Variants in TBC1D14 observed in about 807,000 individuals in gnomAD.
TBC1D14 encodes the protein TBC1 domain family member 14.
Under a neutral mutation model 79.0 loss-of-function variants are expected in TBC1D14, and 26 were observed. That is an observed-to-expected ratio of 0.33 (90% CI 0.24 to 0.46). The LOEUF is 0.46. Ranked by LOEUF, TBC1D14 falls within the 20% of genes least tolerant of loss-of-function variation. The pLI, the probability that TBC1D14 is intolerant of heterozygous loss-of-function variation, is 1.00. For synonymous variants in TBC1D14, 394 were observed against 349.9 expected, an observed-to-expected ratio of 1.13 and a Z score of -1.40; for missense variants, 769 against 887.6, an observed-to-expected ratio of 0.87 and a Z score of 1.70.
At position 6,935,733 on chromosome 4, in the gene TBC1D14, T is replaced by C. The variant is rs550478546; in HGVS notation, c.722+11622T>C. 4.0e-5 allele frequency among the ~76,000 whole-genome samples: 6 copies of C among 150,668 alleles called. No homozygotes were observed. The South Asian group carries it at 1.1e-3, about 26-fold the overall frequency. ...ATCTCGGCTCAATGCAGTCTCTGCC[T>C]CCCAGGTTCGAGCGATTCTCCTGCC... On this transcript the variant is annotated intron_variant, in intron 2 of 13. Coordinates refer to ENST00000409757, the MANE Select transcript of TBC1D14 (RefSeq NM_020773.3).
chr4:7,006,766 C>A, intron 9 of TBC1D14, 40 bp downstream of exon 9: 1 of 1,582,136 alleles, frequency 6.3e-7, no homozygotes, highest in South Asian at 1.1e-5. Context: ...TATGTTTTGT[C>A]TAAAATTCAT....
intron 2 of TBC1D14, among the ~76,000 whole-genome samples, chr4:6,950,984 C>T (rs1179917141): frequency 6.6e-6 from 1 of 152,082 alleles, no homozygotes; most frequent in African/African-American, 2.4e-5. Context: ...ATGAACCTAC[C>T]AGTGTGTTAA....
Position 6,967,432 on chromosome 4 carries a change from A to C in TBC1D14, c.843+8A>C. 1 of 1,611,192 alleles carries C rather than the reference A, an allele frequency of 6.2e-7. No homozygotes were observed. Among genetic ancestry groups the C allele is most frequent in the Non-Finnish European group, 8.5e-7 (1 of 1,179,458 alleles). The stretch of plus-strand genomic sequence containing the variant: ...TCAAAGAGAATACAGAAGGTACACA[A>C]GATACAAAATCACAGAAATAGGCTG... On this transcript the variant is annotated splice_region_variant and intron_variant, in intron 3 of 13. Coordinates refer to ENST00000409757, the MANE Select transcript of TBC1D14 (RefSeq NM_020773.3).
intron 1 of TBC1D14, among the ~76,000 whole-genome samples, chr4:6,915,361 GGGGTCAC>G (rs1204311075): frequency 4.6e-5 from 7 of 152,324 alleles, no homozygotes; most frequent in Non-Finnish European, 8.8e-5. Flanking sequence ...TAGGGGGTTG[GGGGTCAC>G]TGCACCTGCT....
intron 2 of TBC1D14, chr4:6,954,416 C>T (rs1714429395): frequency 1.4e-6 from 1 of 717,082 alleles, no homozygotes; most frequent in Admixed American, 2.0e-5. Flanking sequence ...CTGCGTGTAG[C>T]TTTGACAGCA....
At chr4:6,926,058 AC>A (rs1398334556) in intron 2 of TBC1D14, among the ~76,000 whole-genome samples, 2 of 152,058 alleles carry the variant, frequency 1.3e-5, no homozygotes, top group Non-Finnish European at 2.9e-5. Flanking sequence ...AAGTTCCTTC[AC>A]CTCCCAGTCA....
intron 3 of TBC1D14, among the ~76,000 whole-genome samples, chr4:6,985,652 T>C (rs1021379734): frequency 6.6e-6 from 1 of 152,238 alleles, no homozygotes; most frequent in African/African-American, 2.4e-5. Context: ...AGTTAATATG[T>C]AACTTTACAG....
At chr4:6,967,857 CTGCTGG>C (rs879652758) in intron 3 of TBC1D14, among the ~76,000 whole-genome samples, 2,309 of 152,328 alleles carry the variant, frequency 0.015, 55 homozygotes, top group African/African-American at 0.052. Context: ...TTCCCCGGCT[CTGCTGG>C]GATGCCTCTC....
intron 8 of TBC1D14, among the ~76,000 whole-genome samples, chr4:7,005,428 G>T (rs973951200): frequency 3.3e-5 from 5 of 152,192 alleles, no homozygotes; most frequent in Non-Finnish European, 5.9e-5. Context: ...CTAGCTACTC[G>T]GGAGGCCGAG....
chr4:6,940,426 C>A (rs377614017), intron 2 of TBC1D14, among the ~76,000 whole-genome samples: 1 of 152,124 alleles, frequency 6.6e-6, no homozygotes, highest in African/African-American at 2.4e-5. Context: ...CAGAAAGAAC[C>A]GCCCTCAGGG....
intron 2 of TBC1D14, among the ~76,000 whole-genome samples, chr4:6,927,795 C>G (rs1344659966): frequency 6.6e-6 from 1 of 152,226 alleles, no homozygotes; most frequent in Non-Finnish European, 1.5e-5. Flanking sequence ...GAGGGGCTGA[C>G]AGAATCACCC....
chr4:6,929,571 C>T (rs1414732731), intron 2 of TBC1D14, among the ~76,000 whole-genome samples: 1 of 152,090 alleles, frequency 6.6e-6, no homozygotes, highest in Non-Finnish European at 1.5e-5. Flanking sequence ...GAGAGCCCAG[C>T]CTTCCTGGGA....
chr4:6,966,131 C>G (rs1343757806), intron 2 of TBC1D14, among the ~76,000 whole-genome samples: 1 of 152,150 alleles, frequency 6.6e-6, no homozygotes, highest in African/African-American at 2.4e-5. Flanking sequence ...ATCCATTGTT[C>G]TCATTATTTG....
chr4:6,954,317 C>T (rs771186855), intron 2 of TBC1D14: 5 of 717,420 alleles, frequency 7.0e-6, no homozygotes, highest in Middle Eastern at 2.3e-4. Flanking sequence ...GCCATCTCCC[C>T]TGCGCTCCTG....
chr4:6,962,872 A>T (rs771844852), intron 2 of TBC1D14, among the ~76,000 whole-genome samples: 2 of 151,952 alleles, frequency 1.3e-5, no homozygotes, highest in Non-Finnish European at 2.9e-5. Context: ...CTGCCTCCTC[A>T]TCGCCCTATA....
In TBC1D14 at chr4:6,941,180, CTTT is replaced by C. The variant is rs35201238; in HGVS notation, c.722+17090_722+17092del. Among the ~76,000 whole-genome samples, 181 of 87,738 alleles carry C rather than the reference CTTT, an allele frequency of 2.1e-3. 1 individual carries two copies. Among genetic ancestry groups the C allele is most frequent in the African/African-American group, 8.5e-3 (163 of 19,228 alleles). The allele number at this position is 87,738 out of a possible 152,430, so 57.6% of individuals were successfully genotyped here. A position where few individuals can be genotyped will look rare whatever the true frequency, so the allele number is the denominator to read the frequency against. ...ACTTGCCTGTATCTGAGGAAAGCAG[CTTT>C]TTTTTTTTTTTTTTTTTTTTGAGAT... On this transcript the variant is annotated intron_variant, in intron 2 of 13. Coordinates refer to ENST00000409757, the MANE Select transcript of TBC1D14 (RefSeq NM_020773.3).
chr4:6,994,065 G>A (rs767760468), intron 3 of TBC1D14, 119 bp from the exon 4 acceptor site: 23 of 824,760 alleles, frequency 2.8e-5, no homozygotes, highest in South Asian at 4.5e-5. Context: ...AAAGGTTTTT[G>A]GCGAATTGTC....
chr4:6,924,238 G>T, intron 2 of TBC1D14, 127 bp downstream of exon 2: 2 of 1,333,712 alleles, frequency 1.5e-6, no homozygotes, highest in Non-Finnish European at 2.0e-6. Flanking sequence ...CAGATAATTG[G>T]GTCTTTTCCC....
chr4:7,027,351 C>T (rs955087210), intron 13 of TBC1D14, among the ~76,000 whole-genome samples: 7 of 144,612 alleles, frequency 4.8e-5, no homozygotes, highest in African/African-American at 1.8e-4. Context: ...ACAATCACCT[C>T]CACGCACACA....
Sources: allele counts gnomAD v4.1 joint callset (sites outside exome capture counted in the v4.1 genomes callset), GRCh38; gene constraint gnomAD v4.1.1; transcripts MANE v1.5; gene names NCBI Gene and HGNC (gene_info 2026-07-23, HGNC 2026-07-21).